CECR2: variants seen among roughly 807,000 people sequenced by gnomAD.
CECR2 encodes the protein chromatin remodeling regulator CECR2.
A neutral mutation model predicts 154.5 loss-of-function variants in CECR2; 30 were observed. The ratio of observed to expected loss-of-function variants is 0.19; its 90% CI spans 0.15 to 0.26. The LOEUF is 0.26. CECR2 is among the 10% of genes least tolerant of loss of function. The pLI is 1.00. For missense variants in CECR2, 1,743 were observed against 1,829.3 expected (o/e 0.95, Z 0.86); for synonymous variants, 725 against 683.7 (o/e 1.06, Z -0.94).
intron 16 of CECR2, among the ~76,000 whole-genome samples, chr22:17,545,374 C>CAAA (rs695493): frequency 0.082 from 3,778 of 46,306 alleles, 611 homozygotes; most frequent in African/African-American, 0.16. Context: ...GACTCCGTCT[C>CAAA]AAAAAAAAAA....
intron 16 of CECR2, among the ~76,000 whole-genome samples, chr22:17,547,185 C>CT (rs1393483454): frequency 4.0e-5 from 6 of 151,420 alleles, no homozygotes; most frequent in African/African-American, 1.5e-4. Context: ...GCATAGGAGT[C>CT]TAATTAATTT....
intron 1 of CECR2, among the ~76,000 whole-genome samples, chr22:17,434,255 C>T (rs1056024163): frequency 1.3e-5 from 2 of 152,198 alleles, no homozygotes; most frequent in East Asian, 1.9e-4. Flanking sequence ...AGGCCACTCA[C>T]GTTAAGTCAG....
chr22:17,533,276 C>T (rs1019852193), intron 9 of CECR2, among the ~76,000 whole-genome samples: 12 of 149,196 alleles, frequency 8.0e-5, no homozygotes, highest in Non-Finnish European at 1.8e-4. Flanking sequence ...GTTAACATAG[C>T]GCCACCGCAG....
intron 1 of CECR2, among the ~76,000 whole-genome samples, chr22:17,404,824 A>AT (rs967418155): frequency 2.6e-5 from 4 of 152,110 alleles, no homozygotes; most frequent in Non-Finnish European, 4.4e-5. Context: ...GCTATTTTAT[A>AT]TTTTTTATAT....
intron 1 of CECR2, among the ~76,000 whole-genome samples, chr22:17,417,826 G>T (rs1316874822): frequency 6.6e-6 from 1 of 151,846 alleles, no homozygotes; most frequent in South Asian, 2.1e-4. Flanking sequence ...TCACCATGTT[G>T]GTCAGGCTGG....
chr22:17,428,891 A>G (rs2054375900), intron 1 of CECR2, among the ~76,000 whole-genome samples: 3 of 151,176 alleles, frequency 2.0e-5, no homozygotes, highest in Admixed American at 2.0e-4. Context: ...TAATGTGCTC[A>G]AGAGAGACAA....
At chr22:17,371,145 G>A (rs1390725035) in intron 1 of CECR2, among the ~76,000 whole-genome samples, 1 of 152,144 alleles carries the variant, frequency 6.6e-6, no homozygotes, top group East Asian at 1.9e-4. Flanking sequence ...AGTCGTGTTT[G>A]CTGAAATATC....
chr22:17,551,893 G>A (rs1355326643), intron 17 of CECR2, 138 bp from the exon 18 acceptor site: 34 of 743,184 alleles, frequency 4.6e-5, no homozygotes, highest in Admixed American at 3.1e-4. Flanking sequence ...ACAGAATGTC[G>A]AGTTGTCCCA....
chr22:17,532,654 C>G (rs1223417151), intron 9 of CECR2, among the ~76,000 whole-genome samples: 1 of 135,970 alleles, frequency 7.4e-6, no homozygotes, highest in Non-Finnish European at 1.5e-5. Flanking sequence ...ACCCAGGAAA[C>G]TATTATAGCT....
chr22:17,440,273 A>C (rs1328919562), intron 1 of CECR2, among the ~76,000 whole-genome samples: 1 of 152,074 alleles, frequency 6.6e-6, no homozygotes, highest in African/African-American at 2.4e-5. Flanking sequence ...GGAAAAACTA[A>C]AATAGTCATT....
chr22:17,489,421 C>T (rs943667061), intron 2 of CECR2, among the ~76,000 whole-genome samples: 2 of 151,992 alleles, frequency 1.3e-5, no homozygotes, highest in African/African-American at 4.8e-5. Flanking sequence ...AAGTGTTTTA[C>T]TTATTTCTTT....
intron 9 of CECR2, among the ~76,000 whole-genome samples, chr22:17,535,317 CAAA>C (rs556845647): frequency 0.018 from 2,610 of 141,612 alleles, 78 homozygotes; most frequent in African/African-American, 0.063. Flanking sequence ...GACTCCATCT[CAAA>C]AAAAAAAAAA....
rs1197343022 is a variant in CECR2 at position 17,370,430 on chromosome 22, G to A, written c.126+521G>A. Among the ~76,000 whole-genome samples, 8 of 151,662 alleles carry A rather than the reference G, an allele frequency of 5.3e-5. 1 individual carries two copies. The highest frequency in any genetic ancestry group is 1.0e-4 in the Non-Finnish European group (7 of 67,796). On this transcript the variant is annotated intron_variant, in intron 1 of 18. Coordinates refer to ENST00000262608, the MANE Select transcript of CECR2 (RefSeq NM_001290047.2). ...CGGGCGCGTGGCAGGGGCTCCCGGA[G>A]GCCCCAAGCTCCCGGGAGGCGCTCC...
chr22:17,366,678 G>A (rs1306242676), upstream of CECR2, among the ~76,000 whole-genome samples: 1 of 152,086 alleles, frequency 6.6e-6, no homozygotes, highest in African/African-American at 2.4e-5. Context: ...AAATAGATCC[G>A]AGGCAGTTAA....
At position 17,543,854 on chromosome 22, in the gene CECR2, A is replaced by G. The variant is rs73159570; in HGVS notation, c.2860+851A>G. 9.5e-3 allele frequency among the ~76,000 whole-genome samples: 1,451 copies of G among 151,998 alleles called. 12 individuals carry two copies. The highest frequency in any genetic ancestry group is 0.02 in the Middle Eastern group (6 of 294). On this transcript the variant is annotated intron_variant, in intron 16 of 18. Transcript: ENST00000262608. ...GATTACAGGCATGAGCCTTCCAGAG[A>G]CTTTTATACATTAATTCATTTATTC...
chr22:17,548,081 C>T, intron 16 of CECR2, 67 bp from the exon 17 acceptor site: 1 of 1,366,630 alleles, frequency 7.3e-7, no homozygotes, highest in South Asian at 1.5e-5. Flanking sequence ...CAGGCATGTT[C>T]TTCACATTAA....
At chr22:17,546,258 C>T (rs5992063) in intron 16 of CECR2, among the ~76,000 whole-genome samples, 58,518 of 151,594 alleles carry the variant, frequency 0.39, 11,795 homozygotes, top group East Asian at 0.6. Flanking sequence ...GAGGCCGAGG[C>T]GGGTGGATCA....
At chr22:17,526,608 A>C (rs1161912533) in intron 9 of CECR2, among the ~76,000 whole-genome samples, 2 of 152,022 alleles carry the variant, frequency 1.3e-5, no homozygotes, top group African/African-American at 2.4e-5. Context: ...CAAGAGTTCA[A>C]GGCCAGCCTG....
chr22:17,495,955 T>G (rs2055620689), intron 2 of CECR2, among the ~76,000 whole-genome samples: 1 of 151,690 alleles, frequency 6.6e-6, no homozygotes, highest in African/African-American at 2.4e-5. Context: ...GTGGGAGGAT[T>G]GCTTGAGCTC....
Sources: gnomAD v4.1 joint callset for allele counts (sites outside exome capture counted in the v4.1 genomes callset) on GRCh38, gnomAD v4.1.1 for gene constraint, MANE v1.5 for transcripts, NCBI Gene and HGNC (gene_info 2026-07-23, HGNC 2026-07-21) for gene names.